VRTN: variants seen among roughly 807,000 people sequenced by gnomAD.
VRTN encodes the protein vertebrae development associated.
Under a neutral mutation model 18.2 loss-of-function variants are expected in VRTN, and 5 were observed. The ratio of observed to expected loss-of-function variants is 0.27; its 90% CI spans 0.14 to 0.58. The LOEUF (loss-of-function observed/expected upper bound fraction) is 0.58, where lower values mean the gene tolerates loss of function less well. VRTN is among the 20% of genes least tolerant of loss of function. The pLI is 0.91. For missense variants in VRTN, 741 were observed against 939.4 expected (o/e 0.79, Z 2.76); for synonymous variants, 381 against 393.7 (o/e 0.97, Z 0.38).
At chr14:74,330,653 C>G (rs1786916566) in intron 1 of VRTN, among the ~76,000 whole-genome samples, 2 of 151,832 alleles carry the variant, frequency 1.3e-5, no homozygotes, top group South Asian at 4.2e-4. Flanking sequence ...GCTGGTCAGG[C>G]TGGTCTTGAA....
chr14:74,356,889 C>G lies in VRTN; in HGVS notation c.106C>G (p.Gln36Glu), dbSNP rs1187950254. The change falls in exon 2 of 2, where the codon CAG becomes GAG. Residue 36 changes from glutamine to glutamate, a missense_variant. By Grantham distance (29) the Gln-to-Glu change is conservative. This residue lies in a region of VRTN where 186 missense variants were observed against 288.3 expected (regional missense o/e 0.65). Coordinates refer to ENST00000256362, the MANE Select transcript of VRTN (RefSeq NM_018228.3). ...CATAGGTGCTTCCTTGGAGGCCAAGCAGGTCCTGTCTTCCTTCACTCTCCC... is the reference window on the plus strand; with the variant it reads ...CATAGGTGCTTCCTTGGAGGCCAAGGAGGTCCTGTCTTCCTTCACTCTCCC... ...GLIGASLEAKQVLSSFTLPTC... is the reference protein window; with the variant it reads ...GLIGASLEAKEVLSSFTLPTC... The G allele has an allele frequency of 6.2e-7, 1 of 1,614,074 alleles. No homozygotes were observed. Among genetic ancestry groups the G allele is most frequent in the Admixed American group, 1.7e-5 (1 of 60,010 alleles).
chr14:74,308,916 G>A (rs891039769), intron 1 of VRTN, among the ~76,000 whole-genome samples: 50 of 150,220 alleles, frequency 3.3e-4, no homozygotes, highest in African/African-American at 1.1e-3. Flanking sequence ...AGGATGGAAT[G>A]CAGTGGTATG....
exon 1 of VRTN, chr14:74,303,112 G>GCC (rs1378261670): frequency 2.1e-6 from 1 of 468,692 alleles, no homozygotes; most frequent in Non-Finnish European, 3.7e-6. Flanking sequence ...CGGCTACAGC[G>GCC]CCCCCATATT....
At chr14:74,350,182 G>A (rs760838840) in intron 1 of VRTN, among the ~76,000 whole-genome samples, 15 of 152,116 alleles carry the variant, frequency 9.9e-5, no homozygotes, top group Non-Finnish European at 2.1e-4. Flanking sequence ...TCCCCGTGCA[G>A]CCCCTACCCT....
At chr14:74,341,114 A>G (rs755874294) in intron 2 of VRTN, among the ~76,000 whole-genome samples, 7 of 152,206 alleles carry the variant, frequency 4.6e-5, no homozygotes, top group African/African-American at 7.2e-5. Flanking sequence ...AATTCTTTAA[A>G]TCTCTGTAGA....
chr14:74,312,988 G>C (rs1302127233), intron 1 of VRTN, among the ~76,000 whole-genome samples: 2 of 150,144 alleles, frequency 1.3e-5, no homozygotes, highest in Non-Finnish European at 3.0e-5. Context: ...TGATCCACCT[G>C]CCTCGGCCTC....
At chr14:74,356,255 C>T (rs1294404259) in intron 1 of VRTN, among the ~76,000 whole-genome samples, 2 of 152,198 alleles carry the variant, frequency 1.3e-5, no homozygotes, top group Non-Finnish European at 2.9e-5. Context: ...TCTAACTCAG[C>T]TCACTGCAAC....
intron 1 of VRTN, among the ~76,000 whole-genome samples, chr14:74,332,514 C>T (rs2085534642): frequency 6.6e-6 from 1 of 151,586 alleles, no homozygotes; most frequent in African/African-American, 2.4e-5. Flanking sequence ...GCCACCTTGC[C>T]CGGCTAATTT....
At chr14:74,343,466 A>G (rs1195482307) in intron 2 of VRTN, among the ~76,000 whole-genome samples, 2 of 152,212 alleles carry the variant, frequency 1.3e-5, no homozygotes, top group African/African-American at 4.8e-5. Flanking sequence ...TGCAAGATCT[A>G]TACAAATTAC....
At chr14:74,331,589 T>TATATAC (rs1296997236) in intron 1 of VRTN, among the ~76,000 whole-genome samples, 20 of 114,928 alleles carry the variant, frequency 1.7e-4, no homozygotes, top group South Asian at 1.2e-3. Context: ...TATATATATA[T>TATATAC]ACAAAAAAGA....
At chr14:74,353,869 C>T (rs1472776165) in intron 1 of VRTN, among the ~76,000 whole-genome samples, 1 of 151,912 alleles carries the variant, frequency 6.6e-6, no homozygotes, top group Non-Finnish European at 1.5e-5. Flanking sequence ...ACTAGAGGCG[C>T]CCGCCAGCGT....
chr14:74,313,643 G>T (rs919120545), intron 1 of VRTN, among the ~76,000 whole-genome samples: 2 of 152,140 alleles, frequency 1.3e-5, no homozygotes, highest in African/African-American at 2.4e-5. Context: ...TTTCCACCCT[G>T]GAATCATTTT....
intron 1 of VRTN, among the ~76,000 whole-genome samples, chr14:74,352,173 T>A (rs181086407): frequency 9.9e-5 from 15 of 151,178 alleles, no homozygotes; most frequent in Non-Finnish European, 1.0e-4. Context: ...TAATTTTTTT[T>A]ATTTATGTTT....
chr14:74,329,640 G>T (rs758185055), intron 1 of VRTN, among the ~76,000 whole-genome samples: 1 of 150,180 alleles, frequency 6.7e-6, no homozygotes, highest in Admixed American at 6.6e-5. Context: ...GTGCAGTGGC[G>T]TGATCTCGGC....
chr14:74,313,202 C>T (rs1320193383), intron 1 of VRTN, among the ~76,000 whole-genome samples: 1 of 152,152 alleles, frequency 6.6e-6, no homozygotes, highest in East Asian at 1.9e-4. Flanking sequence ...AGCCAAGGAG[C>T]TTGCCTAGTC....
Position 74,338,201 on chromosome 14 carries a change from T to C in VRTN, c.-2+317T>C, listed in dbSNP as rs923951480. On this transcript the variant is annotated intron_variant, in intron 2 of 2. Coordinates refer to the VRTN transcript ENST00000557177. ...TCCTAACAAATTTAACATTAATTGC[T>C]TCGTATACTCTAATATCTAATCTAT... Among the ~76,000 whole-genome samples the C allele has an allele frequency of 3.3e-5, 5 of 152,308 alleles. No homozygotes were observed. The East Asian group carries it at 7.7e-4, about 23-fold the overall frequency.
rs562654889 is a variant in VRTN, at chr14:74,352,773, G to T, written c.-1-4010G>T. On this transcript the variant is annotated intron_variant, in intron 1 of 1. Coordinates refer to ENST00000256362, the MANE Select transcript of VRTN (RefSeq NM_018228.3). Reference sequence around the variant, plus strand: ...CCAAACACCATTTTTAAACCTAAGGGTCATCTAAAGCAATTTATTGAACTC... The same window carrying T: ...CCAAACACCATTTTTAAACCTAAGGTTCATCTAAAGCAATTTATTGAACTC... Among the ~76,000 whole-genome samples, 26 of 152,264 alleles carry T rather than the reference G, an allele frequency of 1.7e-4. No homozygotes were observed. In the South Asian group the frequency reaches 5.4e-3, roughly 32 times the overall value.
chr14:74,351,341 A>C (rs1278797260), intron 1 of VRTN, among the ~76,000 whole-genome samples: 2 of 152,202 alleles, frequency 1.3e-5, no homozygotes, highest in Non-Finnish European at 2.9e-5. Context: ...AAAGGCATAA[A>C]AGTTGACAGA....
At chr14:74,303,039 C>G (rs1283920906), upstream of VRTN, 2 of 1,028,298 alleles carry the variant, frequency 1.9e-6, no homozygotes, top group African/African-American at 1.7e-5. Context: ...GCGGGAGACG[C>G]GGACTCTCCC....
Sources: allele counts gnomAD v4.1 joint callset (sites outside exome capture counted in the v4.1 genomes callset), GRCh38; gene constraint gnomAD v4.1.1; regional missense constraint gnomAD v4.1.1; transcripts MANE v1.5; gene names NCBI Gene and HGNC (gene_info 2026-07-23, HGNC 2026-07-21).